DOCK2: variants seen among roughly 807,000 people sequenced by gnomAD.
DOCK2 encodes the protein dedicator of cytokinesis 2, also known as dedicator of cytokinesis protein 2.
DOCK2 carries 87 observed loss-of-function variants against 248.9 expected under a neutral mutation model. The observed-to-expected ratio is 0.35, with a 90% CI of 0.29 to 0.42. DOCK2 has a LOEUF of 0.42. Ranked by LOEUF, DOCK2 falls within the 10% of genes least tolerant of loss-of-function variation. The pLI is 1.00. For synonymous variants in DOCK2, 805 were observed against 821.6 expected (o/e 0.98, Z 0.35); for missense variants, 1,747 against 2,300.2 (o/e 0.76, Z 4.92).
In DOCK2 at chr5:169,689,458, A is replaced by G. The variant is rs1395633022; in HGVS notation, c.843+125A>G. The G allele has an allele frequency of 1.1e-5, 10 of 950,724 alleles. No homozygotes were observed. In the Admixed American group the frequency reaches 1.2e-4, roughly 11 times the overall value. The allele number at this position is 950,724 out of a possible 1,614,324, so 58.9% of individuals were successfully genotyped here. A position where few individuals can be genotyped will look rare whatever the true frequency, so the allele number is the denominator to read the frequency against. On this transcript the variant is annotated intron_variant, in intron 9 of 51. Transcript: ENST00000520908. ...CTGCAGAGCTGTGTTGTGGGCTCCA[A>G]GCAGAAATCCAAAGCTGACAAAGGA...
chr5:169,734,032 A>G (rs1383156007), intron 22 of DOCK2, among the ~76,000 whole-genome samples: 2 of 151,994 alleles, frequency 1.3e-5, no homozygotes, highest in African/African-American at 4.8e-5. Flanking sequence ...GTTAGACCTC[A>G]TTATATTCTC....
intron 42 of DOCK2, among the ~76,000 whole-genome samples, chr5:170,056,013 G>A (rs571891687): frequency 3.3e-5 from 5 of 152,332 alleles, no homozygotes; most frequent in Non-Finnish European, 7.3e-5. Context: ...TTGTAATGGA[G>A]CACTTGAGTG....
At position 169,702,983 on chromosome 5, in the gene DOCK2, C is replaced by T. The variant is rs146836189; in HGVS notation, c.1383+556C>T. Among the ~76,000 whole-genome samples, 357 of 152,226 alleles carry T rather than the reference C, an allele frequency of 2.3e-3. 1 individual carries two copies. The highest frequency in any genetic ancestry group is 7.8e-3 in the African/African-American group (323 of 41,528). On this transcript the variant is annotated intron_variant, in intron 14 of 51. Coordinates refer to ENST00000520908, the MANE Select transcript of DOCK2 (RefSeq NM_004946.3). ...GCAGGGTGTATTCAGGAATGCAAAG[C>T]GCATTGCTATATTTATACAGCATAT...
chr5:169,918,222 G>A (rs1469043317), intron 27 of DOCK2, among the ~76,000 whole-genome samples: 1 of 152,182 alleles, frequency 6.6e-6, no homozygotes, highest in Non-Finnish European at 1.5e-5. Flanking sequence ...TGCACATCCT[G>A]TTTTGTCTAG....
chr5:169,734,905 C>T (rs763619210), intron 22 of DOCK2, among the ~76,000 whole-genome samples: 30 of 152,286 alleles, frequency 2.0e-4, no homozygotes, highest in Middle Eastern at 3.4e-3. Context: ...TTGCAGACGC[C>T]TTTGGGGCAA....
At chr5:169,701,581 C>T (rs1411155826) in intron 13 of DOCK2, among the ~76,000 whole-genome samples, 3 of 152,022 alleles carry the variant, frequency 2.0e-5, no homozygotes, top group East Asian at 1.9e-4. Context: ...GTGGTTTGAC[C>T]TCAGCTCACT....
intron 50 of DOCK2, 45 bp downstream of exon 50, chr5:170,080,328 A>G (rs761404292): frequency 1.9e-6 from 3 of 1,608,922 alleles, no homozygotes; most frequent in East Asian, 4.5e-5. Context: ...GAGATAGTGC[A>G]GGCCACCAGC....
In DOCK2 at chr5:169,823,235, A is replaced by G. The variant is rs1050548154; in HGVS notation, c.2704-17522A>G. Among the ~76,000 whole-genome samples the G allele has an allele frequency of 5.9e-5, 9 of 152,210 alleles. No homozygotes were observed. In the East Asian group the frequency reaches 1.7e-3, roughly 29 times the overall value. On this transcript the variant is annotated intron_variant, in intron 26 of 51. Transcript: ENST00000520908. ...ATTCCTTCTGAAACTATTCCAATCAATAGAAAAAGAGAGAATCCTCCCTAA... is the reference window on the plus strand; with the variant it reads ...ATTCCTTCTGAAACTATTCCAATCAGTAGAAAAAGAGAGAATCCTCCCTAA...
Position 169,917,151 on chromosome 5 carries a change from A to C in DOCK2, c.2800-65917A>C, listed in dbSNP as rs572504535. Among the ~76,000 whole-genome samples, 3 of 152,324 alleles carry C rather than the reference A, an allele frequency of 2.0e-5. No homozygotes were observed. In the South Asian group the frequency reaches 6.2e-4, roughly 32 times the overall value. ...GACAAAAGACAACCTTTTTTAGTGA[A>C]GGAAAATTCACAGCAACCAATCTGG... On this transcript the variant is annotated intron_variant, in intron 27 of 51. Coordinates refer to ENST00000520908, the MANE Select transcript of DOCK2 (RefSeq NM_004946.3).
At chr5:170,001,972 T>C (rs974616127) in intron 30 of DOCK2, among the ~76,000 whole-genome samples, 2 of 152,174 alleles carry the variant, frequency 1.3e-5, no homozygotes, top group Non-Finnish European at 2.9e-5. Context: ...GATACTATTG[T>C]CCTCATTTTC....
At chr5:170,017,228 C>T (rs1006028897) in intron 32 of DOCK2, among the ~76,000 whole-genome samples, 2 of 152,160 alleles carry the variant, frequency 1.3e-5, no homozygotes, top group Admixed American at 6.5e-5. Context: ...ACACGCCATA[C>T]CACCTGAGTT....
In DOCK2 at chr5:170,051,342, TCA is replaced by T. The variant is rs1756908145; in HGVS notation, c.4213+948_4213+949del. On this transcript the variant is annotated intron_variant, in intron 41 of 51. Transcript: ENST00000520908. ...CCACCCCCATCCTTCCTTCCCTTTC[TCA>T]CATCCCTCTGACCACAGGGTTCTTG... Among the ~76,000 whole-genome samples the T allele has an allele frequency of 2.0e-5, 3 of 152,090 alleles. 1 individual carries two copies. In the South Asian group the frequency reaches 6.2e-4, roughly 32 times the overall value.
At chr5:169,891,210 C>T (rs1031884789) in intron 27 of DOCK2, among the ~76,000 whole-genome samples, 6 of 152,176 alleles carry the variant, frequency 3.9e-5, no homozygotes, top group African/African-American at 1.4e-4. Context: ...TTCCCCAGAT[C>T]CTTCCAAGCC....
chr5:169,799,542 C>G (rs1274917225), intron 25 of DOCK2, among the ~76,000 whole-genome samples: 2 of 151,902 alleles, frequency 1.3e-5, no homozygotes, highest in Non-Finnish European at 2.9e-5. Context: ...AACTTTTAGC[C>G]AGGCAAAAGA....
intron 14 of DOCK2, chr5:169,702,639 A>T: frequency 2.1e-6 from 1 of 475,206 alleles, no homozygotes. Context: ...GCAGTTTTTC[A>T]ATGTCTGTTC....
intron 25 of DOCK2, among the ~76,000 whole-genome samples, chr5:169,765,143 A>C (rs915572349): frequency 6.6e-6 from 1 of 151,668 alleles, no homozygotes; most frequent in African/African-American, 2.4e-5. Context: ...TATGGAGGCA[A>C]TTAGCCTCAA....
intron 46 of DOCK2, among the ~76,000 whole-genome samples, chr5:170,074,154 CTT>C (rs10612698): frequency 0.031 from 4,668 of 152,038 alleles, 257 homozygotes; most frequent in African/African-American, 0.11. Flanking sequence ...TATATAAAAT[CTT>C]TGTCTTTTTC....
intron 27 of DOCK2, among the ~76,000 whole-genome samples, chr5:169,879,320 T>A (rs1247342998): frequency 6.6e-6 from 1 of 152,204 alleles, no homozygotes; most frequent in South Asian, 2.1e-4. Flanking sequence ...TTCTAAGATC[T>A]GACTTTCCAG....
At chr5:169,643,510 C>A (rs955706854) in intron 1 of DOCK2, among the ~76,000 whole-genome samples, 5 of 152,310 alleles carry the variant, frequency 3.3e-5, no homozygotes, top group Admixed American at 3.3e-4. Flanking sequence ...CAACCCAGAT[C>A]CCTCGCGTGT....
Sources: allele counts gnomAD v4.1 joint callset (sites outside exome capture counted in the v4.1 genomes callset), GRCh38; gene constraint gnomAD v4.1.1; transcripts MANE v1.5; gene names NCBI Gene and HGNC (gene_info 2026-07-23, HGNC 2026-07-21).